SLC25A26: variants seen among roughly 807,000 people sequenced by gnomAD.
SLC25A26 encodes the protein solute carrier family 25 member 26, also known as mitochondrial S-adenosylmethionine carrier protein.
Under a neutral mutation model 37.8 loss-of-function variants are expected in SLC25A26, and 36 were observed. The ratio of observed to expected loss-of-function variants is 0.95; its 90% CI spans 0.73 to 1.26. SLC25A26 has a LOEUF of 1.26. SLC25A26 is among the 50% of genes most tolerant of loss of function. SLC25A26 has a pLI of 0.00. For missense variants in SLC25A26, 390 were observed against 331.1 expected (o/e 1.18, Z -1.38); for synonymous variants, 129 against 122.5 (o/e 1.05, Z -0.35).
chr3:66,263,786 G>A (rs894988165), intron 5 of SLC25A26, among the ~76,000 whole-genome samples: 1 of 152,076 alleles, frequency 6.6e-6, no homozygotes, highest in Admixed American at 6.5e-5. Flanking sequence ...AGCCTCCCGA[G>A]TAGCTGGGAC....
intron 1 of SLC25A26, among the ~76,000 whole-genome samples, chr3:66,221,512 A>G (rs1207917579): frequency 1.3e-5 from 2 of 152,180 alleles, no homozygotes; most frequent in Non-Finnish European, 2.9e-5. Flanking sequence ...CATCGCTCCC[A>G]GCCCTTCTAT....
At chr3:66,375,630 AC>A in intron 9 of SLC25A26, among the ~76,000 whole-genome samples, 1 of 152,334 alleles carries the variant, frequency 6.6e-6, no homozygotes, top group Non-Finnish European at 1.5e-5. Context: ...GAGCGACAGC[AC>A]ATCTCTTTAC....
In SLC25A26 at chr3:66,236,445, C is replaced by T. The variant is rs2072289381; in HGVS notation, c.34-99C>T. On this transcript the variant is annotated intron_variant, in intron 1 of 9. Transcript: ENST00000354883. ...TGGACTGAAAGGAATGAGAAATGTG[C>T]TTTAAAGACTGTCTTCCTATCTTCG... The T allele has an allele frequency of 6.6e-6, 6 of 905,778 alleles. No homozygotes were observed. The South Asian group carries it at 1.6e-4, about 24-fold the overall frequency. The allele number at this position is 905,778 out of a possible 1,614,324, so 56.1% of individuals were successfully genotyped here.
At chr3:66,209,631 T>TCA (rs1392335392) in intron 1 of SLC25A26, among the ~76,000 whole-genome samples, 1 of 133,540 alleles carries the variant, frequency 7.5e-6, no homozygotes, top group Non-Finnish European at 1.6e-5. Flanking sequence ...TATATCTATT[T>TCA]TATATATATA....
intron 5 of SLC25A26, among the ~76,000 whole-genome samples, chr3:66,306,629 G>A (rs1225902370): frequency 1.3e-5 from 2 of 152,142 alleles, no homozygotes; most frequent in Non-Finnish European, 1.5e-5. Flanking sequence ...CATGCGTTAG[G>A]TATTTCTCCT....
intron 7 of SLC25A26, among the ~76,000 whole-genome samples, chr3:66,365,030 C>A (rs1205405725): frequency 6.6e-6 from 1 of 152,176 alleles, no homozygotes; most frequent in Admixed American, 6.5e-5. Flanking sequence ...TAAGGCATTT[C>A]TGAAGGATAA....
chr3:66,178,210 ATGGCCCAACAGTTCTAGG>A (rs1450887958), intron 1 of SLC25A26, among the ~76,000 whole-genome samples: 1 of 149,102 alleles, frequency 6.7e-6, no homozygotes, highest in African/African-American at 2.6e-5. Flanking sequence ...CCAGGTTCAG[ATGGCCCAACAGTTCTAGG>A]TGGGTGACTG....
chr3:66,191,410 C>T lies in SLC25A26; in HGVS notation c.-353-29332C>T, dbSNP rs1247903247. Among the ~76,000 whole-genome samples, 3 of 151,876 alleles carry T rather than the reference C, an allele frequency of 2.0e-5. No individual in the cohort carries two copies. In the South Asian group the frequency reaches 6.3e-4, roughly 32 times the overall value. On this transcript the variant is annotated intron_variant, in intron 1 of 10. Transcript: ENST00000676754. ...TCCCTGACACACACAGACACACACG[C>T]ACACAGAATCTGTATTAGCATCAGC... is the stretch of plus-strand genomic sequence containing the variant.
At chr3:66,249,764 C>G (rs1385638499) in intron 3 of SLC25A26, among the ~76,000 whole-genome samples, 1 of 152,202 alleles carries the variant, frequency 6.6e-6, no homozygotes, top group Non-Finnish European at 1.5e-5. Context: ...TAGAAGATAA[C>G]ATGGCTGCCC....
chr3:66,167,452 A>T (rs1198391113), intron 1 of SLC25A26, among the ~76,000 whole-genome samples: 1 of 152,238 alleles, frequency 6.6e-6, no homozygotes, highest in East Asian at 1.9e-4. Context: ...TGGCTTCTGG[A>T]TCTAGCCAGA....
At chr3:66,169,610 C>A (rs988409559) in intron 1 of SLC25A26, among the ~76,000 whole-genome samples, 2 of 152,172 alleles carry the variant, frequency 1.3e-5, no homozygotes, top group African/African-American at 4.8e-5. Flanking sequence ...AGCTCCATGA[C>A]AAGGGCCTGG....
At chr3:66,255,521 C>G in intron 3 of SLC25A26, among the ~76,000 whole-genome samples, 1 of 147,918 alleles carries the variant, frequency 6.8e-6, no homozygotes. Context: ...TTATGGAAAA[C>G]CTTAGTAGTT....
chr3:66,233,075 G>C (rs2072109790), intron 1 of SLC25A26, among the ~76,000 whole-genome samples: 2 of 152,226 alleles, frequency 1.3e-5, no homozygotes, highest in African/African-American at 4.8e-5. Flanking sequence ...TGTCGTTTAG[G>C]CCAGTGGCCT....
intron 8 of SLC25A26, 116 bp from the exon 9 acceptor site, chr3:66,370,413 G>T: frequency 1.2e-6 from 1 of 855,110 alleles, no homozygotes; most frequent in South Asian, 1.4e-5. Flanking sequence ...CCTGGTATCT[G>T]ACACTGTGTT....
At chr3:66,151,595 T>C (rs1382671910) in intron 1 of SLC25A26, among the ~76,000 whole-genome samples, 1 of 152,246 alleles carries the variant, frequency 6.6e-6, no homozygotes, top group East Asian at 1.9e-4. Flanking sequence ...CCATGCTCTC[T>C]GTTCTTGTGG....
intron 1 of SLC25A26, among the ~76,000 whole-genome samples, chr3:66,182,540 G>T (rs1372119587): frequency 6.6e-6 from 1 of 152,096 alleles, no homozygotes; most frequent in Non-Finnish European, 1.5e-5. Flanking sequence ...AAAGAAGCAA[G>T]GCCTAAAAGT....
intron 1 of SLC25A26, among the ~76,000 whole-genome samples, chr3:66,229,658 A>G (rs1053740492): frequency 6.6e-6 from 1 of 152,160 alleles, no homozygotes; most frequent in Non-Finnish European, 1.5e-5. Context: ...TCTTTTCTTT[A>G]TACATGACCC....
intron 5 of SLC25A26, among the ~76,000 whole-genome samples, chr3:66,272,485 TAAGC>T (rs2073991975): frequency 6.6e-6 from 1 of 152,104 alleles, no homozygotes; most frequent in African/African-American, 2.4e-5. Context: ...TTAGAGGAAA[TAAGC>T]AAGTGTAAGG....
chr3:66,205,457 G>A (rs2071163965), intron 1 of SLC25A26, among the ~76,000 whole-genome samples: 1 of 152,168 alleles, frequency 6.6e-6, no homozygotes, highest in African/African-American at 2.4e-5. Context: ...AAATAATGAA[G>A]ATAATTTGAG....
Sources: allele counts gnomAD v4.1 joint callset (sites outside exome capture counted in the v4.1 genomes callset), GRCh38; gene constraint gnomAD v4.1.1; transcripts MANE v1.5; gene names NCBI Gene and HGNC (gene_info 2026-07-23, HGNC 2026-07-21).